UPRT: variants seen among roughly 807,000 people sequenced by gnomAD.
The protein encoded by UPRT is RP11-311P8.3.
Under a neutral mutation model 22.6 loss-of-function variants are expected in UPRT, and 5 were observed. The ratio of observed to expected loss-of-function variants is 0.22; its 90% CI spans 0.12 to 0.47. The LOEUF is 0.47. UPRT is among the 20% of genes least tolerant of loss of function. The pLI is 0.99. For synonymous variants in UPRT, 77 were observed against 87.7 expected (o/e 0.88, Z 0.68); for missense variants, 181 against 239.9 (o/e 0.75, Z 1.62).
At chrX:75,261,950 C>T (rs1237127508) in intron 4 of UPRT, among the ~76,000 whole-genome samples, 1 of 111,006 alleles carries the variant, frequency 9.0e-6, no homozygotes, top group Non-Finnish European at 1.9e-5. Context: ...AAAGATACTC[C>T]TCGAGAAGAG....
At chrX:75,291,466 G>A in intron 1 of UPRT, 1 of 314,357 alleles carries the variant, frequency 3.2e-6, no homozygotes, top group African/African-American at 2.7e-5. Context: ...TCTGGAGTCT[G>A]GTTCATATTA....
chrX:75,229,812 C>T (rs978084827), intron 4 of UPRT, among the ~76,000 whole-genome samples: 1 of 111,886 alleles, frequency 8.9e-6, no homozygotes, highest in Non-Finnish European at 1.9e-5. Context: ...TGGGGAGGGG[C>T]CACAGGGTGA....
chrX:75,263,179 CTTTT>C (rs753101243), intron 4 of UPRT, among the ~76,000 whole-genome samples: 2 of 111,280 alleles, frequency 1.8e-5, no homozygotes, highest in African/African-American at 3.3e-5. Context: ...CTAAAATTCT[CTTTT>C]TTTTGTTGTA....
At chrX:75,172,758 G>A (rs1450161107) in intron 4 of UPRT, among the ~76,000 whole-genome samples, 1 of 109,974 alleles carries the variant, frequency 9.1e-6, no homozygotes, top group Non-Finnish European at 1.9e-5. Flanking sequence ...TTAAGGCAGC[G>A]CGTTTGGAGT....
chrX:75,183,146 A>G (rs1031290729), intron 4 of UPRT, among the ~76,000 whole-genome samples: 8 of 110,581 alleles, frequency 7.2e-5, no homozygotes, highest in Non-Finnish European at 1.3e-4. Context: ...TACATTAGGT[A>G]TATCTCCTAA....
intron 4 of UPRT, among the ~76,000 whole-genome samples, chrX:75,250,323 T>C (rs1602473668): frequency 9.2e-6 from 1 of 108,278 alleles, no homozygotes. Flanking sequence ...GCAAGACTAA[T>C]AAAGAAGAAA....
intron 6 of UPRT, among the ~76,000 whole-genome samples, chrX:75,302,137 A>C (rs1174913799): frequency 9.0e-6 from 1 of 111,342 alleles, no homozygotes; most frequent in Non-Finnish European, 1.9e-5. Context: ...TAGTTGGGAA[A>C]GCTGGTTTCA....
chrX:75,246,021 T>G (rs1287412362), intron 4 of UPRT, among the ~76,000 whole-genome samples: 1 of 111,872 alleles, frequency 8.9e-6, no homozygotes, highest in Non-Finnish European at 1.9e-5. Context: ...AAATAGAGAA[T>G]GTCAACATTG....
chrX:75,245,606 C>A (rs1602470992), intron 4 of UPRT, among the ~76,000 whole-genome samples: 1 of 112,156 alleles, frequency 8.9e-6, no homozygotes, highest in African/African-American at 3.2e-5. Context: ...GAATACTGTG[C>A]AGCCATAAAA....
At chrX:75,286,248 T>C (rs778853053) in intron 1 of UPRT, among the ~76,000 whole-genome samples, 1 of 104,574 alleles carries the variant, frequency 9.6e-6, no homozygotes, top group Non-Finnish European at 1.9e-5. Context: ...CAATGAATAA[T>C]TTTTTATGTT....
At chrX:75,160,978 CAT>C (rs1429731403) in intron 2 of UPRT, among the ~76,000 whole-genome samples, 2 of 112,526 alleles carry the variant, frequency 1.8e-5, no homozygotes, top group African/African-American at 3.2e-5. Flanking sequence ...AAGAAACAAA[CAT>C]ATATATACAT....
chrX:75,230,026 C>T (rs1439544315), intron 4 of UPRT, among the ~76,000 whole-genome samples: 2 of 112,031 alleles, frequency 1.8e-5, no homozygotes, highest in Non-Finnish European at 3.8e-5. Context: ...GGCAAGATCA[C>T]AGCCCTCCTC....
intron 4 of UPRT, among the ~76,000 whole-genome samples, chrX:75,172,895 T>C (rs1270133994): frequency 1.8e-5 from 2 of 111,150 alleles, no homozygotes; most frequent in East Asian, 2.8e-4. Flanking sequence ...CAAGATTTAT[T>C]GTAAAGAGCG....
At chrX:75,246,018 G>A (rs1323318193) in intron 4 of UPRT, among the ~76,000 whole-genome samples, 2 of 111,520 alleles carry the variant, frequency 1.8e-5, no homozygotes, top group African/African-American at 6.5e-5. Context: ...ACAAAATAGA[G>A]AATGTCAACA....
At chrX:75,173,231 C>T (rs762481530) in intron 4 of UPRT, among the ~76,000 whole-genome samples, 5 of 111,607 alleles carry the variant, frequency 4.5e-5, no homozygotes, top group South Asian at 3.8e-4. Flanking sequence ...GGTGTGTTTA[C>T]AAACCTTGAG....
intron 4 of UPRT, among the ~76,000 whole-genome samples, chrX:75,245,889 T>A (rs2082503867): frequency 9.0e-6 from 1 of 111,558 alleles, no homozygotes; most frequent in African/African-American, 3.3e-5. Flanking sequence ...TCAACCCATG[T>A]GACACGGAAA....
At chrX:75,260,484 C>A (rs1316879219) in intron 4 of UPRT, among the ~76,000 whole-genome samples, 1 of 112,015 alleles carries the variant, frequency 8.9e-6, no homozygotes, top group Non-Finnish European at 1.9e-5. Flanking sequence ...TTTAAACCAA[C>A]AAAGTTCAAA....
chrX:75,179,393 C>T (rs1354311477), intron 4 of UPRT, among the ~76,000 whole-genome samples: 1 of 112,957 alleles, frequency 8.9e-6, no homozygotes, highest in Non-Finnish European at 1.9e-5. Context: ...GTTTACAATC[C>T]TTGAGCTAGA....
intron 4 of UPRT, among the ~76,000 whole-genome samples, chrX:75,253,385 G>T (rs1303750018): frequency 8.9e-6 from 1 of 111,990 alleles, no homozygotes; most frequent in Non-Finnish European, 1.9e-5. Flanking sequence ...AGTAAGAATG[G>T]CTATTAATAA....
Sources: gnomAD v4.1 joint callset for allele counts (sites outside exome capture counted in the v4.1 genomes callset) on GRCh38, gnomAD v4.1.1 for gene constraint, MANE v1.5 for transcripts, NCBI Gene and HGNC (gene_info 2026-07-23, HGNC 2026-07-21) for gene names.